The following CCDC178 variants were observed in gnomAD, a reference collection of about 807,000 sequenced individuals.
CCDC178 encodes coiled-coil domain containing 178.
Under a neutral mutation model 117.4 loss-of-function variants are expected in CCDC178, and 126 were observed. The observed-to-expected ratio is 1.07, with a 90% CI of 0.93 to 1.24. CCDC178 has a LOEUF of 1.24. Ranked by LOEUF, CCDC178 falls within the 50% of genes most tolerant of loss-of-function variation. The pLI, the probability that CCDC178 is intolerant of heterozygous loss-of-function variation, is 0.00. For synonymous variants in CCDC178, 283 were observed against 313.4 expected (o/e 0.90, Z 1.02); for missense variants, 1,030 against 986.9 (o/e 1.04, Z -0.59).
intron 9 of CCDC178, among the ~76,000 whole-genome samples, chr18:33,345,645 T>C (rs1471628530): frequency 6.6e-6 from 1 of 152,166 alleles, no homozygotes; most frequent in Non-Finnish European, 1.5e-5. Flanking sequence ...TCAAATACTG[T>C]AGTCATTATA....
intron 20 of CCDC178, among the ~76,000 whole-genome samples, chr18:33,179,108 T>C (rs1486842696): frequency 1.1e-5 from 1 of 93,004 alleles, no homozygotes; most frequent in South Asian, 3.1e-4. Flanking sequence ...TATATATATA[T>C]AAACTATATA....
At chr18:33,388,856 G>A (rs1041677318) in intron 5 of CCDC178, among the ~76,000 whole-genome samples, 3 of 152,124 alleles carry the variant, frequency 2.0e-5, no homozygotes, top group Non-Finnish European at 4.4e-5. Flanking sequence ...GATGAAACTG[G>A]AAGCCATTAT....
Position 33,420,800 on chromosome 18 carries a change from T to TA in CCDC178, c.-22-8691dup, listed in dbSNP as rs550215296. 9.9e-5 allele frequency among the ~76,000 whole-genome samples: 15 copies of TA among 151,212 alleles called. No homozygotes were observed. In the East Asian group the frequency reaches 2.1e-3, roughly 22 times the overall value. On this transcript the variant is annotated intron_variant, in intron 2 of 22. Coordinates refer to ENST00000383096, the MANE Select transcript of CCDC178 (RefSeq NM_001105528.4). ...AAATTAAAATAACAGTTAAAAAAAG[T>TA]AAAAAAAATTATAAAAAGCTTAAAA...
intron 20 of CCDC178, among the ~76,000 whole-genome samples, chr18:33,124,783 C>G (rs767028927): frequency 8.5e-5 from 13 of 152,294 alleles, no homozygotes; most frequent in Non-Finnish European, 1.3e-4. Flanking sequence ...TCCACAAAGG[C>G]TGTGTCAGAG....
chr18:33,420,307 G>A (rs2064006500), intron 2 of CCDC178, among the ~76,000 whole-genome samples: 1 of 151,956 alleles, frequency 6.6e-6, no homozygotes, highest in Admixed American at 6.6e-5. Context: ...AGGAAGGTGA[G>A]GATCAAAAAA....
intron 14 of CCDC178, among the ~76,000 whole-genome samples, chr18:33,260,024 G>C (rs2059723193): frequency 6.6e-6 from 1 of 151,620 alleles, no homozygotes; most frequent in Non-Finnish European, 1.5e-5. Flanking sequence ...GAATACACCA[G>C]TACCACCCTC....
At chr18:33,370,863 T>C (rs966414718) in intron 5 of CCDC178, among the ~76,000 whole-genome samples, 1 of 152,074 alleles carries the variant, frequency 6.6e-6, no homozygotes, top group African/African-American at 2.4e-5. Flanking sequence ...CCAAATCGAC[T>C]GAAGGTTGCA....
At chr18:33,398,500 T>C (rs1306998716) in intron 3 of CCDC178, among the ~76,000 whole-genome samples, 1 of 152,194 alleles carries the variant, frequency 6.6e-6, no homozygotes, top group African/African-American at 2.4e-5. Flanking sequence ...TCATAATGAT[T>C]TTCCTAAATT....
rs1284075271 is a variant in CCDC178, at chr18:33,397,188, T to C, written c.79A>G (p.Lys27Glu). 1 of 1,606,958 alleles carries C rather than the reference T, an allele frequency of 6.2e-7. No homozygotes were observed. Among genetic ancestry groups the C allele is most frequent in the Admixed American group, 1.7e-5 (1 of 59,744 alleles). The change falls in exon 4 of 23, where the codon AAG (lysine) becomes GAG (glutamate). Residue 27 changes from lysine (K) to glutamate (E), a missense_variant. By Grantham distance (56) the Lys-to-Glu change is moderately conservative. Coordinates refer to ENST00000383096, the MANE Select transcript of CCDC178 (RefSeq NM_001105528.4). ...TNIGLTCQEV[K>E]ALREKAWSRT... ...GACCATGCCTTCTCTCTGAGAGCCT[T>C]TACTTCCTGACATGTTAAACCTATA...
intron 20 of CCDC178, among the ~76,000 whole-genome samples, chr18:33,116,779 G>A (rs1013333742): frequency 1.8e-5 from 2 of 110,958 alleles, no homozygotes; most frequent in Non-Finnish European, 3.6e-5. Context: ...CTTTTACCAG[G>A]AAAAGCCTAC....
intron 20 of CCDC178, among the ~76,000 whole-genome samples, chr18:33,147,354 T>C (rs1439886519): frequency 7.0e-6 from 1 of 142,870 alleles, no homozygotes; most frequent in Admixed American, 6.9e-5. Flanking sequence ...CTTGCCTTTT[T>C]AATTTTTTTT....
At chr18:33,022,783 C>T (rs533840102) in intron 21 of CCDC178, among the ~76,000 whole-genome samples, 20 of 152,044 alleles carry the variant, frequency 1.3e-4, no homozygotes, top group East Asian at 3.9e-4. Flanking sequence ...TCAATTAGAA[C>T]GCAGACATTA....
chr18:33,358,387 T>C (rs1322046442), intron 6 of CCDC178, among the ~76,000 whole-genome samples: 3 of 151,948 alleles, frequency 2.0e-5, no homozygotes, highest in South Asian at 2.1e-4. Flanking sequence ...ATATGAGATA[T>C]CAAAACATAT....
At chr18:32,994,100 C>CCTCA (rs1408557264) in intron 21 of CCDC178, among the ~76,000 whole-genome samples, 6 of 152,114 alleles carry the variant, frequency 3.9e-5, no homozygotes, top group Non-Finnish European at 5.9e-5. Context: ...AAAAAGCCTG[C>CCTCA]CTCACTCTGA....
intron 11 of CCDC178, among the ~76,000 whole-genome samples, chr18:33,297,311 T>C (rs1358675697): frequency 6.6e-6 from 1 of 151,504 alleles, no homozygotes; most frequent in African/African-American, 2.4e-5. Flanking sequence ...TTACAATAAG[T>C]AGAAGGAAAG....
At chr18:33,255,580 G>C (rs1012574645) in intron 14 of CCDC178, among the ~76,000 whole-genome samples, 1 of 152,030 alleles carries the variant, frequency 6.6e-6, no homozygotes, top group Non-Finnish European at 1.5e-5. Flanking sequence ...GAGGGATATA[G>C]AACAACGCCC....
chr18:33,151,829 A>G (rs551701652), intron 20 of CCDC178, among the ~76,000 whole-genome samples: 2 of 152,348 alleles, frequency 1.3e-5, no homozygotes, highest in East Asian at 3.9e-4. Flanking sequence ...AGGGACTTAG[A>G]ACCATGACTG....
rs945805141 is a variant in CCDC178 at position 33,381,189 on chromosome 18, G to A, written c.208+8351C>T. On this transcript the variant is annotated intron_variant, in intron 5 of 22. Transcript: ENST00000383096. ...TATTCATTGATCTTAATTAGATCAG[G>A]ACCTTGTTACAATAAGCCTGAACAA... is the stretch of plus-strand genomic sequence containing the variant. 2.6e-5 allele frequency among the ~76,000 whole-genome samples: 4 copies of A among 152,100 alleles called. No homozygotes were observed. The East Asian group carries it at 7.8e-4, about 29-fold the overall frequency.
chr18:33,279,431 C>A (rs1234722526), intron 12 of CCDC178, among the ~76,000 whole-genome samples: 85 of 146,640 alleles, frequency 5.8e-4, no homozygotes, highest in Admixed American at 7.5e-4. Flanking sequence ...AACTACAAAC[C>A]ACTGCTCAAT....
Sources: allele counts gnomAD v4.1 joint callset (sites outside exome capture counted in the v4.1 genomes callset), GRCh38; gene constraint gnomAD v4.1.1; transcripts MANE v1.5; gene names NCBI Gene and HGNC (gene_info 2026-07-23, HGNC 2026-07-21).